The following SPNS2 variants were observed in gnomAD, a reference collection of about 807,000 sequenced individuals.
SPNS2 encodes the protein SPNS lysolipid transporter 2, sphingosine-1-phosphate.
In SPNS2, 37 loss-of-function variants were observed where a neutral mutation model predicts 57.6. That is an observed-to-expected ratio of 0.64 (90% CI 0.49 to 0.85). SPNS2 has a LOEUF of 0.85. Ranked by LOEUF, SPNS2 falls within the 40% of genes least tolerant of loss-of-function variation. The pLI, the probability that SPNS2 is intolerant of heterozygous loss-of-function variation, is 0.00. For synonymous variants in SPNS2, 440 were observed against 346.9 expected (o/e 1.27, Z -2.98); for missense variants, 831 against 779.1 (o/e 1.07, Z -0.79).
At chr17:4,520,710 T>C (rs1029088238) in intron 2 of SPNS2, among the ~76,000 whole-genome samples, 2 of 152,152 alleles carry the variant, frequency 1.3e-5, no homozygotes, top group African/African-American at 2.4e-5. Context: ...CTTCCCAGCA[T>C]GGCAGTCTGG....
intron 12 of SPNS2, 136 bp from the exon 13 acceptor site, chr17:4,537,317 C>T (rs1905902036): frequency 2.4e-6 from 1 of 416,828 alleles, no homozygotes; most frequent in East Asian, 5.5e-5. Context: ...TTCCCAGCAG[C>T]ACGAGACCCA....
rs909619447 is a variant in SPNS2 at position 4,510,219 on chromosome 17, T to A, written c.371-3028T>A. The stretch of plus-strand genomic sequence containing the variant: ...GGGCCTCGCAGCCTGCAGGAAGCCC[T>A]GCTCCCTGGGAAGGTTCTCTCTGGT... On this transcript the variant is annotated intron_variant, in intron 1 of 12. Transcript: ENST00000329078. This position sits in a 1 kb window ranked among gnomAD's most constrained non-coding sequence, Gnocchi z 4.4. Among the ~76,000 whole-genome samples the A allele has an allele frequency of 6.6e-6, 1 of 152,198 alleles. No homozygotes were observed. The highest frequency in any genetic ancestry group is 1.5e-5 in the Non-Finnish European group (1 of 68,026).
At chr17:4,519,788 C>T (rs1398188801) in intron 2 of SPNS2, among the ~76,000 whole-genome samples, 1 of 152,220 alleles carries the variant, frequency 6.6e-6, no homozygotes, top group Non-Finnish European at 1.5e-5. Flanking sequence ...TCTTTATTCT[C>T]AGCAGAGTTG....
chr17:4,528,612 G>A (rs372426757), intron 3 of SPNS2, among the ~76,000 whole-genome samples: 10 of 152,076 alleles, frequency 6.6e-5, no homozygotes, highest in South Asian at 4.2e-4. Context: ...GCGTAGCTGC[G>A]ATTATAGGCG....
At position 4,513,249 on chromosome 17, in the gene SPNS2, G is replaced by A. The variant is rs756059827; in HGVS notation, c.373G>A (p.Val125Ile). ...NYLDRYTVAG[V>I]LLDIQQHFGV... ...AGCACCCTCTGTCTTCCCTCCAGGC[G>A]TCCTTCTGGACATCCAGCAGCACTT... is the stretch of plus-strand genomic sequence containing the variant. Residue 125 changes from valine (V) to isoleucine (I), a missense_variant and splice_region_variant, in exon 2 of 13, where the codon GTC (valine) becomes ATC (isoleucine). Physicochemically the swap from Val to Ile is conservative, Grantham distance 29 (BLOSUM62 3). This residue lies in a region of SPNS2 where 305 missense variants were observed against 378.3 expected (regional missense o/e 0.81). Coordinates refer to ENST00000329078, the MANE Select transcript of SPNS2 (RefSeq NM_001124758.3). 74 of 1,613,770 alleles carry A rather than the reference G, an allele frequency of 4.6e-5. No individual in the cohort carries two copies. The East Asian group carries it at 7.4e-4, about 16-fold the overall frequency.
intron 11 of SPNS2, 122 bp from the exon 12 acceptor site, chr17:4,536,778 C>T: frequency 2.5e-6 from 2 of 796,320 alleles, no homozygotes; most frequent in Non-Finnish European, 2.2e-6. Flanking sequence ...CCCCCTGGGG[C>T]TGACGAGGTC....
At chr17:4,503,982 C>T (rs1444187566) in intron 1 of SPNS2, among the ~76,000 whole-genome samples, 2 of 137,772 alleles carry the variant, frequency 1.5e-5, no homozygotes, top group East Asian at 4.2e-4. Flanking sequence ...CTCCTATTGG[C>T]TTTTTTTTTT....
At chr17:4,526,187 C>G (rs922975910) in intron 3 of SPNS2, among the ~76,000 whole-genome samples, 1 of 152,148 alleles carries the variant, frequency 6.6e-6, no homozygotes, top group African/African-American at 2.4e-5. Context: ...TCAGGGAGGG[C>G]TTCCTGGAGG....
At chr17:4,525,017 A>G (rs1217549796) in intron 2 of SPNS2, 40 bp from the exon 3 acceptor site, 1 of 1,600,276 alleles carries the variant, frequency 6.2e-7, no homozygotes, top group South Asian at 1.1e-5. Context: ...GCCGGGGCGC[A>G]GGGACCTGGG....
In SPNS2 at chr17:4,536,365, G is replaced by A. The variant is rs992178680; in HGVS notation, c.1546G>A (p.Gly516Ser). 1.1e-5 allele frequency: 18 copies of A among 1,609,824 alleles called. No homozygotes were observed. Among genetic ancestry groups the A allele is most frequent in the Admixed American group, 3.3e-5 (2 of 59,998 alleles). Residue 516 changes from glycine (G) to serine (S), a missense_variant, in exon 11 of 13, where the codon GGC (glycine) becomes AGC (serine). By Grantham distance (56) the Gly-to-Ser change is moderately conservative. Coordinates refer to ENST00000329078, the MANE Select transcript of SPNS2 (RefSeq NM_001124758.3). ...CTGCCCTTTCGTCGTGGTCCTGGGC[G>A]GCATGTTCTTCCTCGCCACTGCGCT... ...MLCPFVVVLG[G>S]MFFLATALFF...
At chr17:4,529,404 C>G (rs1265328857) in intron 3 of SPNS2, among the ~76,000 whole-genome samples, 1 of 152,002 alleles carries the variant, frequency 6.6e-6, no homozygotes, top group East Asian at 1.9e-4. Context: ...TAAAAGCACA[C>G]AGGGGGCCGG....
intron 2 of SPNS2, among the ~76,000 whole-genome samples, chr17:4,515,737 G>A (rs1028538915): frequency 2.0e-5 from 3 of 152,248 alleles, no homozygotes; most frequent in Admixed American, 2.0e-4. Flanking sequence ...CCAGCCAGGT[G>A]TTGGTGCTTG....
chr17:4,528,925 G>A (rs1023454600), intron 3 of SPNS2, among the ~76,000 whole-genome samples: 19 of 150,806 alleles, frequency 1.3e-4, no homozygotes, highest in Admixed American at 4.0e-4. Context: ...TCATGATCCC[G>A]CTAATTTTTA....
chr17:4,525,064 C>G lies in SPNS2; in HGVS notation c.444C>G (p.Ile148Met). Reference protein sequence around the residue: ...RGAGLLQSVFICSFMVAAPIF... With the variant: ...RGAGLLQSVFMCSFMVAAPIF... The stretch of plus-strand genomic sequence containing the variant: ...GCTCTCCTCTCCCTGCAGTGTTCAT[C>G]TGTAGCTTCATGGTGGCTGCCCCCA... The change falls in exon 3 of 13, where the codon ATC becomes ATG. Residue 148 changes from isoleucine to methionine, a missense_variant. Physicochemically the swap from Ile to Met is conservative, Grantham distance 10. Transcript: ENST00000329078. The G allele has an allele frequency of 6.2e-7, 1 of 1,614,200 alleles. No homozygotes were observed. Among genetic ancestry groups the G allele is most frequent in the Non-Finnish European group, 8.5e-7 (1 of 1,180,010 alleles).
intron 3 of SPNS2, among the ~76,000 whole-genome samples, chr17:4,529,225 C>T (rs1184647907): frequency 6.6e-6 from 1 of 151,758 alleles, no homozygotes. Flanking sequence ...TGAGCCACTG[C>T]GCCTGGCCCG....
rs919364187 is a variant in SPNS2 at position 4,534,328 on chromosome 17, C to T, written c.1344+475C>T. 8.7e-5 allele frequency: 17 copies of T among 194,442 alleles called. 1 individual carries two copies. The highest frequency in any genetic ancestry group is 7.4e-4 in the East Asian group (6 of 8,120). 12.0% of individuals were successfully genotyped at this position (194,442 alleles called of 1,614,324 possible). ...GCTGGGGACAAAGGGCTGTCTTGAG[C>T]GGCCAGCAGGGGCTTGTGTCCCTGG... On this transcript the variant is annotated intron_variant, in intron 9 of 12. Coordinates refer to ENST00000329078, the MANE Select transcript of SPNS2 (RefSeq NM_001124758.3).
Position 4,530,738 on chromosome 17 carries a change from G to A in SPNS2, c.680G>A (p.Arg227His), listed in dbSNP as rs769429663. The part of the protein sequence containing the change: ...IIGDLFTKNT[R>H]TLMLSVFYFA... ...GGCGACCTCTTCACCAAGAACACGCGTACGCTCATGCTGTCCGTCTTCTAC... is the reference window on the plus strand; with the variant it reads ...GGCGACCTCTTCACCAAGAACACGCATACGCTCATGCTGTCCGTCTTCTAC... The change falls in exon 4 of 13, where the codon CGT (arginine) becomes CAT (histidine). Residue 227 changes from arginine to histidine, a missense_variant. Physicochemically the swap from Arg to His is conservative, Grantham distance 29 (BLOSUM62 0). This residue lies in a region of SPNS2 where 305 missense variants were observed against 378.3 expected (regional missense o/e 0.81). Coordinates refer to ENST00000329078, the MANE Select transcript of SPNS2 (RefSeq NM_001124758.3). 2 of 1,613,922 alleles carry A rather than the reference G, an allele frequency of 1.2e-6. No homozygotes were observed. Among genetic ancestry groups the A allele is most frequent in the East Asian group, 2.2e-5 (1 of 44,896 alleles).
rs530331760 is a variant in SPNS2 at position 4,529,930 on chromosome 17, C to T, written c.574-702C>T. ...GGGAGACCCGGGGGAGGGCTGGACGCGGGCGATGCTGGCCAGATGGGTGGC... is the reference window on the plus strand; with the variant it reads ...GGGAGACCCGGGGGAGGGCTGGACGTGGGCGATGCTGGCCAGATGGGTGGC... On this transcript the variant is annotated intron_variant, in intron 3 of 12. Coordinates refer to ENST00000329078, the MANE Select transcript of SPNS2 (RefSeq NM_001124758.3). Among the ~76,000 whole-genome samples the T allele has an allele frequency of 1.1e-4, 17 of 152,148 alleles. No homozygotes were observed. The East Asian group carries it at 2.5e-3, about 23-fold the overall frequency.
intron 2 of SPNS2, among the ~76,000 whole-genome samples, chr17:4,522,596 C>T (rs1185649268): frequency 6.6e-6 from 1 of 152,264 alleles, no homozygotes; most frequent in Non-Finnish European, 1.5e-5. Flanking sequence ...TTTCTCTTCT[C>T]TCAGGTCCCA....
Sources: gnomAD v4.1 joint callset for allele counts (sites outside exome capture counted in the v4.1 genomes callset) on GRCh38, gnomAD v4.1.1 for gene constraint, gnomAD v4.1.1 regional missense constraint, Gnocchi (gnomAD v3.1) non-coding constraint, MANE v1.5 for transcripts, NCBI Gene and HGNC (gene_info 2026-07-23, HGNC 2026-07-21) for gene names.